AHCYL2: variants seen among roughly 807,000 people sequenced by gnomAD.
The protein encoded by AHCYL2 is adenosylhomocysteinase like 2.
AHCYL2 carries 28 observed loss-of-function variants against 81.4 expected under a neutral mutation model. The observed-to-expected ratio is 0.34, with a 90% CI of 0.25 to 0.47. AHCYL2 has a LOEUF of 0.47. AHCYL2 is among the 20% of genes least tolerant of loss of function. The pLI, the probability that AHCYL2 is intolerant of heterozygous loss-of-function variation, is 1.00. For synonymous variants in AHCYL2, 272 were observed against 290.2 expected (o/e 0.94, Z 0.64); for missense variants, 551 against 785.1 (o/e 0.70, Z 3.56).
At chr7:129,231,962 A>G (rs1007801376) in intron 1 of AHCYL2, among the ~76,000 whole-genome samples, 1 of 151,712 alleles carries the variant, frequency 6.6e-6, no homozygotes, top group South Asian at 2.1e-4. Flanking sequence ...AGGGTCTATC[A>G]GTAGAAATCT....
Position 129,298,148 on chromosome 7 carries a change from T to C in AHCYL2, c.363+72709T>C, listed in dbSNP as rs141983314. Among the ~76,000 whole-genome samples, 346 of 152,316 alleles carry C rather than the reference T, an allele frequency of 2.3e-3. 1 individual carries two copies. The highest frequency in any genetic ancestry group is 7.4e-3 in the African/African-American group (308 of 41,572). ...TTTGATAGGAAAGACTCTAACCTCA[T>C]TGAGAGAAAACGATCAGAAAATATT... On this transcript the variant is annotated intron_variant, in intron 1 of 16. Coordinates refer to ENST00000325006, the MANE Select transcript of AHCYL2 (RefSeq NM_015328.4).
intron 6 of AHCYL2, among the ~76,000 whole-genome samples, chr7:129,401,956 T>G (rs112904799): frequency 3.3e-5 from 5 of 152,324 alleles, no homozygotes; most frequent in African/African-American, 1.2e-4. Context: ...CTCTGGAAGA[T>G]TTCCTGATGA....
chr7:129,225,423 C>T lies in AHCYL2; in HGVS notation c.347C>T (p.Pro116Leu). The T allele has an allele frequency of 6.6e-7, 1 of 1,515,018 alleles. No individual in the cohort carries two copies. The highest frequency in any genetic ancestry group is 8.8e-7 in the Non-Finnish European group (1 of 1,137,230). The allele number at this position is 1,515,018 out of a possible 1,614,324, so 93.8% of individuals were successfully genotyped here. A position where few individuals can be genotyped will look rare whatever the true frequency, so the allele number is the denominator to read the frequency against. The change falls in exon 1 of 17, where the codon CCG (proline) becomes CTG (leucine). Residue 116 changes from proline to leucine, a missense_variant. Physicochemically the swap from Pro to Leu is moderately conservative, Grantham distance 98. Around this residue, in one of 2 missense-constraint regions of AHCYL2, gnomAD observed 235 missense variants for 242.1 expected, o/e 0.97. Transcript: ENST00000325006. ...VSPDGTVTEA[P>L]RTVKKQIQFA... is the part of the protein sequence containing the mutation. ...CCCGACGGCACCGTCACCGAGGCGC[C>T]GCGCACAGTCAAGAAGGTACTGGGG... is the stretch of plus-strand genomic sequence containing the variant.
chr7:129,331,626 G>A (rs1375157091), intron 1 of AHCYL2, among the ~76,000 whole-genome samples: 2 of 151,804 alleles, frequency 1.3e-5, no homozygotes, highest in African/African-American at 4.8e-5. Flanking sequence ...GGCAGATCAC[G>A]AGCTCAGGAG....
chr7:129,226,052 C>T (rs1473942598), intron 1 of AHCYL2, among the ~76,000 whole-genome samples: 1 of 152,252 alleles, frequency 6.6e-6, no homozygotes, highest in Non-Finnish European at 1.5e-5. Flanking sequence ...ATTCTCCTCA[C>T]TCTTTCGTGT....
chr7:129,245,025 C>CTTT (rs11457350), intron 1 of AHCYL2, among the ~76,000 whole-genome samples: 2 of 115,780 alleles, frequency 1.7e-5, no homozygotes, highest in Non-Finnish European at 3.7e-5. Context: ...GTAGAATATT[C>CTTT]TTTTTTTTTT....
chr7:129,240,829 C>T (rs754813289), intron 1 of AHCYL2, among the ~76,000 whole-genome samples: 34 of 151,838 alleles, frequency 2.2e-4, no homozygotes, highest in African/African-American at 7.5e-4. Context: ...TCTGTGGGTG[C>T]GTGGGACCGA....
At chr7:129,377,682 G>A in intron 1 of AHCYL2, 1 of 452,150 alleles carries the variant, frequency 2.2e-6, no homozygotes, top group South Asian at 1.6e-5. Context: ...ATGCCACCTT[G>A]GATCCAGAAT....
intron 1 of AHCYL2, among the ~76,000 whole-genome samples, chr7:129,303,669 T>C (rs1260270757): frequency 1.3e-5 from 2 of 152,252 alleles, no homozygotes; most frequent in South Asian, 2.1e-4. Flanking sequence ...CTCTGATCTT[T>C]ATTTATTTTC....
At chr7:129,290,949 A>C (rs887624786) in intron 1 of AHCYL2, among the ~76,000 whole-genome samples, 1 of 151,816 alleles carries the variant, frequency 6.6e-6, no homozygotes, top group African/African-American at 2.4e-5. Context: ...AAACAAAACA[A>C]AACAGTTAAT....
At chr7:129,316,937 C>T (rs953904902) in intron 1 of AHCYL2, among the ~76,000 whole-genome samples, 1 of 152,110 alleles carries the variant, frequency 6.6e-6, no homozygotes, top group Non-Finnish European at 1.5e-5. Flanking sequence ...GATGAAGAAG[C>T]CTTGAGCTGA....
At chr7:129,238,402 C>T (rs1193334626) in intron 1 of AHCYL2, among the ~76,000 whole-genome samples, 1 of 152,154 alleles carries the variant, frequency 6.6e-6, no homozygotes, top group Non-Finnish European at 1.5e-5. Context: ...GGATATTTGC[C>T]TAATAATCTC....
chr7:129,403,978 GT>G (rs546383637), intron 7 of AHCYL2, among the ~76,000 whole-genome samples: 72 of 139,684 alleles, frequency 5.2e-4, no homozygotes, highest in Admixed American at 5.8e-4. Context: ...GATCTCTCTT[GT>G]TTTTTTTTTT....
intron 1 of AHCYL2, among the ~76,000 whole-genome samples, chr7:129,308,710 T>C (rs1797532596): frequency 6.6e-6 from 1 of 152,210 alleles, no homozygotes; most frequent in Non-Finnish European, 1.5e-5. Context: ...ATTCAGATAG[T>C]AGAATTATTC....
chr7:129,236,087 T>A (rs2150682030), intron 1 of AHCYL2, among the ~76,000 whole-genome samples: 1 of 150,542 alleles, frequency 6.6e-6, no homozygotes, highest in South Asian at 2.1e-4. Context: ...AATGGCACGG[T>A]CTCAGCTCAC....
At chr7:129,389,384 T>TA (rs11389356) in intron 3 of AHCYL2, among the ~76,000 whole-genome samples, 185 bp downstream of exon 3, 68,647 of 124,756 alleles carry the variant, frequency 0.55, 18,772 homozygotes, top group African/African-American at 0.59. Flanking sequence ...AACCCTGTAT[T>TA]AAAAAAAAAA....
chr7:129,343,306 G>T (rs1793250757), intron 1 of AHCYL2, among the ~76,000 whole-genome samples: 1 of 151,964 alleles, frequency 6.6e-6, no homozygotes, highest in African/African-American at 2.4e-5. Flanking sequence ...GTTTTTAGTG[G>T]TCTGTTTATG....
intron 1 of AHCYL2, among the ~76,000 whole-genome samples, chr7:129,315,681 G>A (rs1041549158): frequency 6.6e-6 from 1 of 152,168 alleles, no homozygotes; most frequent in Non-Finnish European, 1.5e-5. Flanking sequence ...TATCCTAGTG[G>A]GTGATTAGTA....
At chr7:129,296,251 G>A (rs1425431144) in intron 1 of AHCYL2, among the ~76,000 whole-genome samples, 1 of 152,212 alleles carries the variant, frequency 6.6e-6, no homozygotes, top group African/African-American at 2.4e-5. Context: ...AGGAAGAGTA[G>A]AAGAGAGGTT....
Sources: allele counts gnomAD v4.1 joint callset (sites outside exome capture counted in the v4.1 genomes callset), GRCh38; gene constraint gnomAD v4.1.1; regional missense constraint gnomAD v4.1.1; transcripts MANE v1.5; gene names NCBI Gene and HGNC (gene_info 2026-07-23, HGNC 2026-07-21).